Variants in REEP5 observed in about 807,000 individuals in gnomAD.
REEP5 encodes receptor accessory protein 5, also known as receptor expression-enhancing protein 5.
REEP5 carries 24 observed loss-of-function variants against 22.4 expected under a neutral mutation model. The observed-to-expected ratio is 1.07, with a 90% CI of 0.78 to 1.51. The LOEUF (loss-of-function observed/expected upper bound fraction) is 1.51, where lower values mean the gene tolerates loss of function less well. REEP5 is among the 40% of genes most tolerant of loss of function. REEP5 has a pLI of 0.00. For synonymous variants in REEP5, 103 were observed against 88.6 expected (o/e 1.16, Z -0.92); for missense variants, 252 against 233.0 (o/e 1.08, Z -0.53).
chr5:112,921,558 C>A, intron 1 of REEP5: 1 of 435,984 alleles, frequency 2.3e-6, no homozygotes, highest in Non-Finnish European at 4.2e-6. Flanking sequence ...TCCGCCCTCT[C>A]GCAGGGCCTG....
intron 3 of REEP5, chr5:112,892,331 A>C: frequency 6.2e-7 from 1 of 1,614,142 alleles, no homozygotes; most frequent in Non-Finnish European, 8.5e-7. Flanking sequence ...GCAAGCCTGG[A>C]GTACAGCGAG....
Position 112,878,608 on chromosome 5 carries a change from C to T in REEP5, c.*178G>A. On this transcript the variant is annotated 3_prime_UTR_variant, in exon 5 of 5. Transcript: ENST00000379638. ...CCCACTGCATTAAGTTTAAAGTGCT[C>T]CCTATATATATAGACAGTAAAAGTA... 1.1e-6 allele frequency: 1 copy of T among 902,368 alleles called. No individual in the cohort carries two copies. The highest frequency in any genetic ancestry group is 2.7e-5 in the East Asian group (1 of 36,744). 55.9% of individuals were successfully genotyped at this position (902,368 alleles called of 1,614,324 possible).
chr5:112,915,807 T>A (rs1403073704), intron 2 of REEP5, among the ~76,000 whole-genome samples: 1 of 149,466 alleles, frequency 6.7e-6, no homozygotes, highest in East Asian at 2.0e-4. Flanking sequence ...AATGGGAACA[T>A]AGGCAGCTCA....
intron 2 of REEP5, among the ~76,000 whole-genome samples, chr5:112,906,240 C>A (rs1768954204): frequency 6.6e-6 from 1 of 152,166 alleles, no homozygotes; most frequent in South Asian, 2.1e-4. Context: ...GAAACCGAGG[C>A]TTAGTGTAGA....
In REEP5 at chr5:112,890,998, A is replaced by G. The variant is rs1768425721; in HGVS notation, c.352-3815T>C. Among the ~76,000 whole-genome samples the G allele has an allele frequency of 2.0e-5, 3 of 150,836 alleles. 1 individual carries two copies. The highest frequency in any genetic ancestry group is 2.0e-4 in the East Asian group (1 of 4,994). On this transcript the variant is annotated intron_variant, in intron 3 of 4. Transcript: ENST00000379638. ...TTTCTAACAACATCTATGAAACATT[A>G]CTAACAGGAGAACATGTTAGCTTTC...
At chr5:112,918,058 C>T (rs1769268447) in intron 2 of REEP5, among the ~76,000 whole-genome samples, 1 of 152,086 alleles carries the variant, frequency 6.6e-6, no homozygotes. Context: ...AGTCTGCCTC[C>T]TGTTATCAGT....
At chr5:112,913,596 G>C (rs989589163) in intron 2 of REEP5, among the ~76,000 whole-genome samples, 5 of 144,352 alleles carry the variant, frequency 3.5e-5, no homozygotes, top group African/African-American at 1.3e-4. Flanking sequence ...CTATAATGAA[G>C]TATAAAGAAA....
intron 2 of REEP5, among the ~76,000 whole-genome samples, chr5:112,908,707 G>A (rs1769023679): frequency 1.3e-5 from 2 of 151,358 alleles, no homozygotes; most frequent in African/African-American, 2.4e-5. Flanking sequence ...CAGCGCCCAC[G>A]ACCACGCCAG....
chr5:112,907,893 A>G (rs746904207), intron 2 of REEP5, among the ~76,000 whole-genome samples: 1 of 152,172 alleles, frequency 6.6e-6, no homozygotes, highest in Non-Finnish European at 1.5e-5. Context: ...TTTGTTTAAA[A>G]AAAGATGTTT....
intron 4 of REEP5, among the ~76,000 whole-genome samples, chr5:112,881,224 G>A (rs1768067210): frequency 6.6e-6 from 1 of 151,694 alleles, no homozygotes; most frequent in African/African-American, 2.4e-5. Flanking sequence ...CAAGTAGACT[G>A]GATTTGTATG....
At position 112,902,407 on chromosome 5, in the gene REEP5, T is replaced by A. The variant is rs1228701795; in HGVS notation, c.324A>T (p.Ser108=). ...IAEFFSDIFL[S]WFPFYYMLKC... is the part of the protein sequence containing the mutation. Reference sequence around the variant, plus strand: ...TCAGCATGTAGTAGAAGGGGAACCATGACAGGAAGATATCAGAGAAGAATT... The same window carrying A: ...TCAGCATGTAGTAGAAGGGGAACCAAGACAGGAAGATATCAGAGAAGAATT... The change falls in exon 3 of 5, where the codon TCA becomes TCT. Residue 108 remains serine (S), a synonymous_variant. Coordinates refer to ENST00000379638, the MANE Select transcript of REEP5 (RefSeq NM_005669.5). 1 of 1,613,034 alleles carries A rather than the reference T, an allele frequency of 6.2e-7. No individual in the cohort carries two copies. The highest frequency in any genetic ancestry group is 1.7e-5 in the Admixed American group (1 of 59,702).
intron 4 of REEP5, chr5:112,882,120 T>C (rs1192498115): frequency 1.3e-5 from 2 of 153,832 alleles, no homozygotes; most frequent in African/African-American, 4.8e-5. Context: ...TGTAGACATA[T>C]GTGATGATCT....
intron 3 of REEP5, chr5:112,898,200 G>A (rs1768751159): frequency 6.6e-6 from 1 of 152,212 alleles, no homozygotes; most frequent in East Asian, 1.9e-4. Context: ...TTCTCCTACA[G>A]ACGAGACTCT....
intron 2 of REEP5, among the ~76,000 whole-genome samples, chr5:112,908,957 CAA>C (rs1012835861): frequency 1.3e-5 from 2 of 151,158 alleles, no homozygotes; most frequent in African/African-American, 4.9e-5. Context: ...CACACACCCA[CAA>C]AGAGACACAC....
At chr5:112,913,615 G>C (rs926680732) in intron 2 of REEP5, among the ~76,000 whole-genome samples, 12 of 150,688 alleles carry the variant, frequency 8.0e-5, no homozygotes, top group African/African-American at 2.9e-4. Context: ...AAAAAATGCA[G>C]TCATTCAGTG....
At chr5:112,897,351 TCACACACACACACACACACA>T (rs34612314) in intron 3 of REEP5, 1 of 97,820 alleles carries the variant, frequency 1.0e-5, no homozygotes, top group East Asian at 2.4e-4. Context: ...ACACATCCCA[TCACACACACACACACACACA>T]CACACACACA....
chr5:112,886,195 CAG>C (rs1265237935), intron 4 of REEP5, among the ~76,000 whole-genome samples: 2 of 152,232 alleles, frequency 1.3e-5, no homozygotes, highest in Non-Finnish European at 2.9e-5. Context: ...CAAAACGTCA[CAG>C]AGTGTACAGT....
In REEP5 at chr5:112,922,099, C is replaced by G. The variant is rs775139706; in HGVS notation, c.92G>C (p.Gly31Ala). The G allele has an allele frequency of 6.2e-7, 1 of 1,604,880 alleles. No individual in the cohort carries two copies. Among genetic ancestry groups the G allele is most frequent in the Non-Finnish European group, 8.5e-7 (1 of 1,175,890 alleles). ...DLLAKLEAKT[G>A]VNRSFIALGV... ...AAGAGCGATGAAGCTCCTGTTCACG[C>G]CGGTTTTGGCCTCGAGCTTGGCCAG... The change falls in exon 1 of 5, where the codon GGC becomes GCC. Residue 31 changes from glycine (G) to alanine (A), a missense_variant. Transcript: ENST00000379638.
In REEP5 at chr5:112,877,154, ACT is replaced by A. The variant is rs1228017864; in HGVS notation, c.*1630_*1631del. Reference sequence around the variant, plus strand: ...GTTTAATAAAATGCCGGTAATCACCACTGTTTTCCTCCCCAAAATAAATGCTC... The same window carrying A: ...GTTTAATAAAATGCCGGTAATCACCAGTTTTCCTCCCCAAAATAAATGCTC... On this transcript the variant is annotated 3_prime_UTR_variant, in exon 5 of 5. Coordinates refer to ENST00000379638, the MANE Select transcript of REEP5 (RefSeq NM_005669.5). 1 of 151,988 alleles carries A rather than the reference ACT, an allele frequency of 6.6e-6. No homozygotes were observed. The allele number at this position is 151,988 out of a possible 1,614,324, so 9.4% of individuals were successfully genotyped here.
Sources: allele counts gnomAD v4.1 joint callset (sites outside exome capture counted in the v4.1 genomes callset), GRCh38; gene constraint gnomAD v4.1.1; transcripts MANE v1.5; gene names NCBI Gene and HGNC (gene_info 2026-07-23, HGNC 2026-07-21).